PKP2: variants seen among roughly 807,000 people sequenced by gnomAD.
PKP2 encodes the protein plakophilin 2, also known as plakophilin-2.
In PKP2, 73 loss-of-function variants were observed where a neutral mutation model predicts 83.4. The ratio of observed to expected loss-of-function variants is 0.88; its 90% confidence interval spans 0.72 to 1.06. PKP2 has a LOEUF of 1.06. Among genes scored for constraint, PKP2 ranks in the 50% least tolerant of loss-of-function variants. PKP2 has a pLI of 0.00. For synonymous variants in PKP2, 409 were observed against 430.4 expected (o/e 0.95, Z 0.62); for missense variants, 966 against 1,065.4 (o/e 0.91, Z 1.30).
At chr12:32,846,638 G>A (rs1956647045) in intron 5 of PKP2, among the ~76,000 whole-genome samples, 1 of 151,786 alleles carries the variant, frequency 6.6e-6, no homozygotes, top group Admixed American at 6.6e-5. Context: ...CCAGCTACTT[G>A]GGAGGCTAAG....
chr12:32,843,395 T>C (rs556552008), intron 5 of PKP2: 5 of 1,078,602 alleles, frequency 4.6e-6, no homozygotes, highest in African/African-American at 1.6e-5. Flanking sequence ...TTGGCTGAAC[T>C]ATGTGGCAAA....
intron 5 of PKP2, among the ~76,000 whole-genome samples, chr12:32,845,500 C>T (rs1235401563): frequency 5.3e-5 from 8 of 152,014 alleles, no homozygotes; most frequent in African/African-American, 1.7e-4. Flanking sequence ...TGCAGTGAGC[C>T]GAGATCATGC....
intron 1 of PKP2, among the ~76,000 whole-genome samples, chr12:32,890,952 C>CAAAA (rs56900611): frequency 2.8e-5 from 2 of 70,268 alleles, no homozygotes; most frequent in Admixed American, 1.6e-4. Flanking sequence ...AAGAGCGAAA[C>CAAAA]AAAAAAAAAA....
intron 6 of PKP2, among the ~76,000 whole-genome samples, chr12:32,831,483 C>T (rs1453704837): frequency 6.6e-6 from 1 of 152,164 alleles, no homozygotes; most frequent in Non-Finnish European, 1.5e-5. Context: ...TTAAAAGTAT[C>T]TGAGAAAGAC....
chr12:32,833,109 G>C (rs1415557787), intron 6 of PKP2, among the ~76,000 whole-genome samples: 1 of 152,168 alleles, frequency 6.6e-6, no homozygotes, highest in Admixed American at 6.5e-5. Flanking sequence ...TGGGCGAGGT[G>C]CCGTGCACCT....
At chr12:32,821,204 C>T (rs181333582) in intron 9 of PKP2, 152 bp downstream of exon 9, 204 of 719,530 alleles carry the variant, frequency 2.8e-4, no homozygotes, top group Non-Finnish European at 4.7e-4. Flanking sequence ...TTTGCATAAG[C>T]TGAGACCGAA....
intron 9 of PKP2, among the ~76,000 whole-genome samples, chr12:32,813,890 C>T (rs1167966944): frequency 6.6e-6 from 1 of 152,068 alleles, no homozygotes; most frequent in Non-Finnish European, 1.5e-5. Flanking sequence ...CTCAAAGTGT[C>T]CATGACTCAA....
At chr12:32,882,495 G>A (rs1375312571) in intron 1 of PKP2, among the ~76,000 whole-genome samples, 1 of 152,098 alleles carries the variant, frequency 6.6e-6, no homozygotes, top group Non-Finnish European at 1.5e-5. Context: ...CCCTGCAAAG[G>A]TTTTCTAAAT....
Position 32,877,867 on chromosome 12 carries a change from G to A in PKP2, c.1013C>T (p.Thr338Ile). 6.2e-7 allele frequency: 1 copy of A among 1,613,796 alleles called. No homozygotes were observed. Among genetic ancestry groups the A allele is most frequent in the South Asian group, 1.1e-5 (1 of 91,078 alleles). The stretch of plus-strand genomic sequence containing the variant: ...TTACCCCAGCTGGGAGTCAGTGAAA[G>A]TGCTTCTCTCAGTGAGCAGATTCCC... The part of the protein sequence containing the change: ...GSGNLLTERS[T>I]FTDSQLGNAD... The change falls in exon 3 of 13, where the codon ACT (threonine) becomes ATT (isoleucine). Residue 338 changes from threonine (T) to isoleucine (I), a missense_variant. Thr to Ile is a moderately conservative substitution (Grantham distance 89). Coordinates refer to ENST00000340811, the MANE Select transcript of PKP2 (RefSeq NM_001005242.3).
intron 1 of PKP2, chr12:32,893,911 CTTTTTT>C (rs138765604): frequency 3.7e-5 from 3 of 81,770 alleles, no homozygotes; most frequent in East Asian, 3.8e-4. Flanking sequence ...GAGTAACTTA[CTTTTTT>C]TTTTTTTTTT....
At chr12:32,799,141 G>C (rs553406870) in intron 10 of PKP2, among the ~76,000 whole-genome samples, 1 of 152,132 alleles carries the variant, frequency 6.6e-6, no homozygotes, top group Non-Finnish European at 1.5e-5. Flanking sequence ...TATACAAATG[G>C]CATAAGAAAA....
intron 9 of PKP2, among the ~76,000 whole-genome samples, chr12:32,814,765 A>G (rs1956305441): frequency 6.6e-6 from 1 of 152,108 alleles, no homozygotes; most frequent in Non-Finnish European, 1.5e-5. Context: ...CTCTACTAAA[A>G]GTACAAAAAA....
chr12:32,845,116 C>T (rs559296205), intron 5 of PKP2, among the ~76,000 whole-genome samples: 1 of 152,254 alleles, frequency 6.6e-6, no homozygotes, highest in South Asian at 2.1e-4. Flanking sequence ...GGGATCTGGA[C>T]TCTGTTAAGG....
intron 6 of PKP2, among the ~76,000 whole-genome samples, chr12:32,835,624 G>C (rs2137816041): frequency 1.3e-5 from 2 of 152,246 alleles, no homozygotes; most frequent in East Asian, 3.9e-4. Context: ...TACTGTCCAA[G>C]AAAACAAAGG....
At chr12:32,816,223 C>T (rs1394989514) in intron 9 of PKP2, among the ~76,000 whole-genome samples, 2 of 152,078 alleles carry the variant, frequency 1.3e-5, no homozygotes, top group East Asian at 1.9e-4. Flanking sequence ...TTTTTCATCC[C>T]TTTCCCCCTC....
intron 1 of PKP2, among the ~76,000 whole-genome samples, chr12:32,892,818 C>G (rs200822997): frequency 0.013 from 256 of 19,852 alleles, 1 homozygote; most frequent in East Asian, 0.016. Flanking sequence ...GGGGTGGGGG[C>G]GGGGGGGGGG....
At chr12:32,865,434 AC>A in intron 4 of PKP2, among the ~76,000 whole-genome samples, 1 of 151,620 alleles carries the variant, frequency 6.6e-6, no homozygotes, top group Admixed American at 6.6e-5. Flanking sequence ...TAATCCCAGC[AC>A]TTTGGGAGGC....
chr12:32,832,529 C>T (rs1956509908), intron 6 of PKP2, among the ~76,000 whole-genome samples: 1 of 152,068 alleles, frequency 6.6e-6, no homozygotes. Flanking sequence ...TTATTAACTT[C>T]ATATTGCTTA....
At chr12:32,880,681 T>A (rs946646797) in intron 1 of PKP2, among the ~76,000 whole-genome samples, 5 of 152,186 alleles carry the variant, frequency 3.3e-5, no homozygotes, top group African/African-American at 1.2e-4. Context: ...GGGATTCAAC[T>A]GATGCCTGTC....
Sources: allele counts gnomAD v4.1 joint callset (sites outside exome capture counted in the v4.1 genomes callset), GRCh38; gene constraint gnomAD v4.1.1; transcripts MANE v1.5; gene names NCBI Gene and HGNC (gene_info 2026-07-23, HGNC 2026-07-21).